EML2: variants seen among roughly 807,000 people sequenced by gnomAD.
EML2 encodes the protein echinoderm microtubule-associated protein-like 2.
A neutral mutation model predicts 84.7 loss-of-function variants in EML2; 59 were observed. The ratio of observed to expected loss-of-function variants is 0.70; its 90% confidence interval spans 0.56 to 0.86. EML2 has a LOEUF of 0.86. Ranked by LOEUF, EML2 falls within the 40% of genes least tolerant of loss-of-function variation. EML2 has a pLI of 0.00. For missense variants in EML2, 818 were observed against 855.6 expected (o/e 0.96, Z 0.55); for synonymous variants, 352 against 348.9 (o/e 1.01, Z -0.10).
intron 8 of EML2, among the ~76,000 whole-genome samples, chr19:45,625,424 G>A (rs1460535866): frequency 6.6e-6 from 1 of 152,012 alleles, no homozygotes; most frequent in East Asian, 1.9e-4. Flanking sequence ...TATTTTTTTA[G>A]TAGAGATGGG....
At chr19:45,633,186 A>T in intron 4 of EML2, 47 bp from the exon 5 acceptor site, 1 of 1,564,354 alleles carries the variant, frequency 6.4e-7, no homozygotes, top group Non-Finnish European at 8.7e-7. Flanking sequence ...GGGAGAGAAG[A>T]GGCTCACAGA....
chr19:45,612,670 C>A (rs1179738454), intron 18 of EML2, among the ~76,000 whole-genome samples: 1 of 151,712 alleles, frequency 6.6e-6, no homozygotes, highest in Admixed American at 6.6e-5. Context: ...CAGAGTGAGA[C>A]CCTGTCTCAA....
rs773501868 is a variant in EML2, at chr19:45,617,716, G to A, written c.1255-19C>T. 1.9e-6 allele frequency: 3 copies of A among 1,611,784 alleles called. No individual in the cohort carries two copies. Among genetic ancestry groups the A allele is most frequent in the Non-Finnish European group, 2.5e-6 (3 of 1,178,826 alleles). ...CAGGGTCCTGAGAAGGGAGAGAGAA[G>A]AGGCAGGGCTCAGAGCTGGGGTCCC... is the stretch of plus-strand genomic sequence containing the variant. On this transcript the variant is annotated intron_variant, in intron 12 of 18. Coordinates refer to ENST00000245925, the MANE Select transcript of EML2 (RefSeq NM_012155.4).
Position 45,609,620 on chromosome 19 carries a change from A to G in EML2, c.*43T>C. On this transcript the variant is annotated 3_prime_UTR_variant, in exon 19 of 19. Coordinates refer to ENST00000245925, the MANE Select transcript of EML2 (RefSeq NM_012155.4). ...CTACTCGGCAATAGACATCTCCCGA[A>G]AATAGAATTCCTGCCCTGACACCTG... The G allele has an allele frequency of 6.3e-7, 1 of 1,578,150 alleles. No homozygotes were observed. The highest frequency in any genetic ancestry group is 1.9e-5 in the Admixed American group (1 of 52,012).
rs768343736 is a variant in EML2 at position 45,638,589 on chromosome 19, A to C, written c.95T>G (p.Met32Arg). ...KMFLRGRPVP[M>R]MIPDELAPTY... ...GGGTGCCAGCTCGTCTGGGATCATCATGGGCACAGGGCGGCCCCTCAGGAA... is the reference window on the plus strand; with the variant it reads ...GGGTGCCAGCTCGTCTGGGATCATCCTGGGCACAGGGCGGCCCCTCAGGAA... The change falls in exon 3 of 19, where the codon ATG becomes AGG. Residue 32 changes from methionine (M) to arginine (R), a missense_variant. Physicochemically the swap from Met to Arg is moderately conservative, Grantham distance 91. Coordinates refer to ENST00000245925, the MANE Select transcript of EML2 (RefSeq NM_012155.4). 3 of 1,614,086 alleles carry C rather than the reference A, an allele frequency of 1.9e-6. No individual in the cohort carries two copies. The highest frequency in any genetic ancestry group is 1.6e-4 in the Middle Eastern group (1 of 6,062).
chr19:45,616,581 A>T, intron 14 of EML2, 23 bp from the exon 15 acceptor site: 1 of 1,578,194 alleles, frequency 6.3e-7, no homozygotes, highest in Non-Finnish European at 8.7e-7. Flanking sequence ...GAGGGGGGCT[A>T]TGAGGAGGCA....
At position 45,626,691 on chromosome 19, in the gene EML2, C is replaced by A. The variant is rs746237648; in HGVS notation, c.741+14G>T. 3.2e-5 allele frequency: 51 copies of A among 1,610,480 alleles called. No individual in the cohort carries two copies. The highest frequency in any genetic ancestry group is 6.6e-5 in the South Asian group (6 of 90,702). On this transcript the variant is annotated intron_variant, in intron 8 of 18. Transcript: ENST00000245925. ...TCTCAGGGCCAGCCTGTCCCCCAAACCCCTGGCACTCACCTCAAAGAGGCC... is the reference window on the plus strand; with the variant it reads ...TCTCAGGGCCAGCCTGTCCCCCAAAACCCTGGCACTCACCTCAAAGAGGCC...
chr19:45,641,382 A>T (rs1974476455), upstream of EML2: 4 of 475,624 alleles, frequency 8.4e-6, no homozygotes, highest in Non-Finnish European at 1.5e-5. Flanking sequence ...CTCCTCCCTG[A>T]CTTCCTCACC....
chr19:45,612,862 C>G (rs900094944), intron 18 of EML2, among the ~76,000 whole-genome samples: 1 of 151,298 alleles, frequency 6.6e-6, no homozygotes, highest in African/African-American at 2.4e-5. Context: ...CTGTTAGAAC[C>G]AGAGAATGGT....
upstream of EML2, chr19:45,644,906 T>G (rs1974914399): frequency 7.0e-6 from 3 of 428,232 alleles, no homozygotes; most frequent in Non-Finnish European, 1.4e-5. Context: ...CCTCTGTCTG[T>G]CCCCCTGCTA....
chr19:45,612,588 C>T lies in EML2; in HGVS notation c.1824+953G>A, dbSNP rs1408900713. Among the ~76,000 whole-genome samples, 15 of 152,142 alleles carry T rather than the reference C, an allele frequency of 9.9e-5. No individual in the cohort carries two copies. In the East Asian group the frequency reaches 1.6e-3, roughly 16 times the overall value. On this transcript the variant is annotated intron_variant, in intron 18 of 18. Transcript: ENST00000245925. The stretch of plus-strand genomic sequence containing the variant: ...ACTCAGAAGGCTGAGGTGGGCGGAC[C>T]GCTTGAGTCCAGGAGGTCAAGGCTG...
In EML2 at chr19:45,630,029, C is replaced by T; in HGVS notation, c.528G>A (p.Leu176=). Residue 176 remains leucine (L), a synonymous_variant, in exon 7 of 19, where the codon CTG becomes CTA. Coordinates refer to ENST00000245925, the MANE Select transcript of EML2 (RefSeq NM_012155.4). ...GFSKSNGGNL[L]CAVDESNDHM... is the part of the protein sequence containing the mutation. ...GATCATTGGATTCATCCACTGCACA[C>T]AGCAGGTTGCCTCCATTCTAAAGAG... 1.2e-6 allele frequency: 2 copies of T among 1,612,966 alleles called. No individual in the cohort carries two copies. The highest frequency in any genetic ancestry group is 1.1e-5 in the South Asian group (1 of 91,038).
chr19:45,622,414 CTTTGT>C (rs887802246), intron 9 of EML2, among the ~76,000 whole-genome samples: 194 of 152,058 alleles, frequency 1.3e-3, no homozygotes, highest in African/African-American at 4.4e-3. Flanking sequence ...TTTTGTTTTG[CTTTGT>C]TTTGTTTTGT....
At chr19:45,614,575 C>T in intron 17 of EML2, 30 bp downstream of exon 17, 1 of 1,585,958 alleles carries the variant, frequency 6.3e-7, no homozygotes, top group Non-Finnish European at 8.7e-7. Flanking sequence ...CTACTGTCCT[C>T]AGTGAGACCT....
chr19:45,639,863 T>G (rs1974251512), upstream of EML2, among the ~76,000 whole-genome samples: 1 of 152,014 alleles, frequency 6.6e-6, no homozygotes, highest in Non-Finnish European at 1.5e-5. Context: ...GCGTGGTGGC[T>G]GGCGCCTGTA....
intron 9 of EML2, among the ~76,000 whole-genome samples, chr19:45,623,079 G>A (rs571143111): frequency 6.6e-6 from 1 of 151,356 alleles, no homozygotes; most frequent in Non-Finnish European, 1.5e-5. Flanking sequence ...GCGCAGGCTG[G>A]CCGAGTGCGG....
upstream of EML2, chr19:45,644,759 G>C (rs1297981572): frequency 2.9e-5 from 13 of 455,984 alleles, no homozygotes; most frequent in Admixed American, 2.1e-4. Context: ...CATTTGTCTA[G>C]GGAGAAGGGA....
upstream of EML2, among the ~76,000 whole-genome samples, chr19:45,643,426 C>G (rs1205543872): frequency 6.6e-6 from 1 of 152,178 alleles, no homozygotes; most frequent in Non-Finnish European, 1.5e-5. Flanking sequence ...TATTTCGCCT[C>G]TGTACCCCGC....
chr19:45,645,563 T>G, upstream of EML2: 12 of 926,150 alleles, frequency 1.3e-5, no homozygotes, highest in Non-Finnish European at 1.5e-5. Context: ...AACACAATCC[T>G]AGGGCCAGGA....
Sources: gnomAD v4.1 joint callset for allele counts (sites outside exome capture counted in the v4.1 genomes callset) on GRCh38, gnomAD v4.1.1 for gene constraint, MANE v1.5 for transcripts, NCBI Gene and HGNC (gene_info 2026-07-23, HGNC 2026-07-21) for gene names.